Variants in XRCC4 observed in about 807,000 individuals in gnomAD.
XRCC4 encodes DNA repair protein XRCC4.
XRCC4 carries 28 observed loss-of-function variants against 39.1 expected under a neutral mutation model. The observed-to-expected ratio is 0.72, with a 90% CI of 0.53 to 0.98. The LOEUF (loss-of-function observed/expected upper bound fraction) is 0.98, where lower values mean the gene tolerates loss of function less well. Ranked by LOEUF, XRCC4 falls within the 50% of genes least tolerant of loss-of-function variation. The pLI, the probability that XRCC4 is intolerant of heterozygous loss-of-function variation, is 0.00. For synonymous variants in XRCC4, 123 were observed against 126.4 expected (o/e 0.97, Z 0.18); for missense variants, 350 against 376.4 (o/e 0.93, Z 0.58).
At chr5:83,247,241 CA>C (rs1753138983) in intron 6 of XRCC4, among the ~76,000 whole-genome samples, 1 of 152,100 alleles carries the variant, frequency 6.6e-6, no homozygotes, top group Non-Finnish European at 1.5e-5. Context: ...TTTAGGTAGC[CA>C]ACCAAGTAAG....
chr5:83,261,428 A>T (rs1026378770), intron 7 of XRCC4, among the ~76,000 whole-genome samples: 5 of 151,998 alleles, frequency 3.3e-5, no homozygotes, highest in Non-Finnish European at 5.9e-5. Context: ...GTGAAAATAC[A>T]TCAGTCCCTA....
At chr5:83,306,245 A>G (rs529908975) in intron 7 of XRCC4, among the ~76,000 whole-genome samples, 1 of 152,208 alleles carries the variant, frequency 6.6e-6, no homozygotes, top group Admixed American at 6.5e-5. Flanking sequence ...ACAGATATAC[A>G]TACATATTCA....
chr5:83,359,540 G>A, the XRCC4 span, among the ~76,000 whole-genome samples: 2 of 152,168 alleles, frequency 1.3e-5, no homozygotes, highest in Non-Finnish European at 2.9e-5. Flanking sequence ...GAAGTAGCCA[G>A]TGCCTGGAGT....
intron 3 of XRCC4, among the ~76,000 whole-genome samples, chr5:83,195,071 C>T (rs1750881662): frequency 6.6e-6 from 1 of 152,032 alleles, no homozygotes; most frequent in East Asian, 1.9e-4. Flanking sequence ...GTTTCGGCAT[C>T]CTTATCAGCC....
chr5:83,345,906 T>C (rs1756904001), intron 7 of XRCC4, among the ~76,000 whole-genome samples: 1 of 152,148 alleles, frequency 6.6e-6, no homozygotes, highest in African/African-American at 2.4e-5. Flanking sequence ...ATAATGTTCA[T>C]AGTTAATTAG....
chr5:83,166,620 C>T (rs987828597), intron 3 of XRCC4, among the ~76,000 whole-genome samples: 8 of 150,964 alleles, frequency 5.3e-5, no homozygotes, highest in Admixed American at 2.0e-4. Context: ...TGTGCCACCA[C>T]GCCTAGCTAA....
chr5:83,286,821 G>A (rs1754750090), intron 7 of XRCC4, among the ~76,000 whole-genome samples: 1 of 152,072 alleles, frequency 6.6e-6, no homozygotes, highest in South Asian at 2.1e-4. Flanking sequence ...GAGAGAGGTG[G>A]ACAATGGGGG....
At chr5:83,161,423 C>T (rs1397950208) in intron 3 of XRCC4, among the ~76,000 whole-genome samples, 4 of 152,150 alleles carry the variant, frequency 2.6e-5, no homozygotes, top group Non-Finnish European at 5.9e-5. Flanking sequence ...TGAGCCACCA[C>T]GACCGGCCCT....
Position 83,170,097 on chromosome 5 carries a change from C to T in XRCC4, c.316-25673C>T, listed in dbSNP as rs532775496. Among the ~76,000 whole-genome samples, 4 of 152,126 alleles carry T rather than the reference C, an allele frequency of 2.6e-5. No individual in the cohort carries two copies. The South Asian group carries it at 8.3e-4, about 32-fold the overall frequency. On this transcript the variant is annotated intron_variant, in intron 3 of 7. Coordinates refer to ENST00000396027, the MANE Select transcript of XRCC4 (RefSeq NM_003401.5). ...TATAGCAGTTATGATTGCTAGAATA[C>T]CTTATGAAGGCATTTGATTCAGGAA...
chr5:83,194,974 A>G (rs561905617), intron 3 of XRCC4, among the ~76,000 whole-genome samples: 1 of 152,164 alleles, frequency 6.6e-6, no homozygotes, highest in African/African-American at 2.4e-5. Flanking sequence ...CAACCAAAAG[A>G]TGTGGTAACT....
intron 6 of XRCC4, among the ~76,000 whole-genome samples, chr5:83,210,756 G>A (rs1396498834): frequency 1.7e-4 from 26 of 152,156 alleles, no homozygotes; most frequent in Non-Finnish European, 2.8e-4. Flanking sequence ...AGACTTCATG[G>A]TAGGTAGCTT....
intron 7 of XRCC4, among the ~76,000 whole-genome samples, chr5:83,268,755 T>C (rs562530713): frequency 6.6e-6 from 1 of 152,146 alleles, no homozygotes; most frequent in Non-Finnish European, 1.5e-5. Context: ...CTGTTATGGA[T>C]GTAGTGCTGA....
chr5:83,183,368 T>C (rs2112658041), intron 3 of XRCC4, among the ~76,000 whole-genome samples: 1 of 152,106 alleles, frequency 6.6e-6, no homozygotes, highest in South Asian at 2.1e-4. Flanking sequence ...TTAAGCTTCC[T>C]GTAATGACCC....
intron 3 of XRCC4, among the ~76,000 whole-genome samples, chr5:83,123,349 C>T (rs1465739406): frequency 6.6e-6 from 1 of 151,794 alleles, no homozygotes; most frequent in Non-Finnish European, 1.5e-5. Flanking sequence ...TTCTTATACT[C>T]CTCTAGTTTT....
At chr5:83,126,895 G>A (rs1335839368) in intron 3 of XRCC4, among the ~76,000 whole-genome samples, 2 of 152,154 alleles carry the variant, frequency 1.3e-5, no homozygotes, top group African/African-American at 4.8e-5. Context: ...TGTATGCCTT[G>A]TTGGGCTTTA....
intron 3 of XRCC4, among the ~76,000 whole-genome samples, chr5:83,186,534 A>G (rs550115497): frequency 1.7e-4 from 26 of 152,226 alleles, no homozygotes; most frequent in African/African-American, 5.3e-4. Flanking sequence ...CACCTGGCTA[A>G]TTCATGATTC....
chr5:83,094,306 C>G (rs1201852228), intron 1 of XRCC4, among the ~76,000 whole-genome samples: 19 of 127,574 alleles, frequency 1.5e-4, no homozygotes, highest in African/African-American at 5.6e-4. Context: ...CCGTTCCCTC[C>G]CCTTCCCTCC....
chr5:83,183,441 T>TGTGTGC (rs1561387133), intron 3 of XRCC4, among the ~76,000 whole-genome samples: 3 of 151,372 alleles, frequency 2.0e-5, no homozygotes, highest in Non-Finnish European at 4.4e-5. Flanking sequence ...TGTGTGTGTG[T>TGTGTGC]GTGTGTGTGT....
intron 1 of XRCC4, among the ~76,000 whole-genome samples, chr5:83,098,713 G>A (rs953525314): frequency 6.6e-6 from 1 of 151,912 alleles, no homozygotes; most frequent in African/African-American, 2.4e-5. Flanking sequence ...ACACTAACCA[G>A]CAAGTTGGCA....
Sources: gnomAD v4.1 joint callset for allele counts (sites outside exome capture counted in the v4.1 genomes callset) on GRCh38, gnomAD v4.1.1 for gene constraint, MANE v1.5 for transcripts, NCBI Gene and HGNC (gene_info 2026-07-23, HGNC 2026-07-21) for gene names.